Variants in CNTN5 observed in about 807,000 individuals in gnomAD.
CNTN5 encodes the protein contactin-5.
Under a neutral mutation model 129.1 loss-of-function variants are expected in CNTN5, and 77 were observed. That is an observed-to-expected ratio of 0.60 (90% confidence interval 0.50 to 0.72). CNTN5 has a LOEUF of 0.72. CNTN5 is among the 30% of genes least tolerant of loss of function. The pLI, the probability that CNTN5 is intolerant of heterozygous loss-of-function variation, is 0.00. For synonymous variants in CNTN5, 509 were observed against 465.6 expected (o/e 1.09, Z -1.20); for missense variants, 1,478 against 1,328.8 (o/e 1.11, Z -1.75).
At chr11:99,429,908 A>G (rs1430553900) in intron 2 of CNTN5, among the ~76,000 whole-genome samples, 2 of 151,766 alleles carry the variant, frequency 1.3e-5, no homozygotes, top group East Asian at 3.9e-4. Flanking sequence ...AAAGCATATT[A>G]CCTAGCTGTC....
At chr11:99,146,116 T>A (rs1283003894) in intron 1 of CNTN5, among the ~76,000 whole-genome samples, 1 of 152,128 alleles carries the variant, frequency 6.6e-6, no homozygotes, top group Non-Finnish European at 1.5e-5. Context: ...ACCAAGCTAA[T>A]TAAACCAGCA....
Position 99,956,779 on chromosome 11 carries a change from C to A in CNTN5, c.674-27C>A, listed in dbSNP as rs112148988. 11 of 1,589,292 alleles carry A rather than the reference C, an allele frequency of 6.9e-6. No homozygotes were observed. In the African/African-American group the frequency reaches 1.5e-4, roughly 21 times the overall value. ...TGTTAATGAAAAAATCAAAGTCTTTCGTTGACCAAATTTTGTGTATTTTCA... is the reference window on the plus strand; with the variant it reads ...TGTTAATGAAAAAATCAAAGTCTTTAGTTGACCAAATTTTGTGTATTTTCA... On this transcript the variant is annotated intron_variant, in intron 7 of 24. Coordinates refer to ENST00000524871, the MANE Select transcript of CNTN5 (RefSeq NM_014361.4).
chr11:99,296,523 C>T (rs975621449), intron 1 of CNTN5, among the ~76,000 whole-genome samples: 2 of 152,192 alleles, frequency 1.3e-5, no homozygotes, highest in Admixed American at 1.3e-4. Context: ...AACCAAAAAG[C>T]ATGCACTGCA....
chr11:99,243,108 A>G (rs1361924374), intron 1 of CNTN5, among the ~76,000 whole-genome samples: 1 of 152,126 alleles, frequency 6.6e-6, no homozygotes, highest in East Asian at 1.9e-4. Context: ...AACAGTGTAT[A>G]AGCATTCCTT....
In CNTN5 at chr11:99,291,734, C is replaced by G. The variant is rs1237238757; in HGVS notation, c.-209-33612C>G. On this transcript the variant is annotated intron_variant, in intron 1 of 24. Coordinates refer to ENST00000524871, the MANE Select transcript of CNTN5 (RefSeq NM_014361.4). ...AGAAAGTTCCTACAACAGAAAAGATCTGTTTTGAATGTAATAAATGAGCCT... is the reference window on the plus strand; with the variant it reads ...AGAAAGTTCCTACAACAGAAAAGATGTGTTTTGAATGTAATAAATGAGCCT... 2.0e-5 allele frequency among the ~76,000 whole-genome samples: 3 copies of G among 152,044 alleles called. No homozygotes were observed. The East Asian group carries it at 5.8e-4, about 29-fold the overall frequency.
intron 13 of CNTN5, among the ~76,000 whole-genome samples, chr11:100,162,051 G>A (rs1416044297): frequency 3.3e-5 from 5 of 151,712 alleles, no homozygotes; most frequent in East Asian, 3.9e-4. Flanking sequence ...CCATTCATTC[G>A]TCCAAGTGGG....
chr11:99,553,965 TAC>T (rs34430127), intron 2 of CNTN5, among the ~76,000 whole-genome samples: 13 of 146,120 alleles, frequency 8.9e-5, no homozygotes, highest in Non-Finnish European at 1.2e-4. Flanking sequence ...TGAAAATGAA[TAC>T]ACACACACAC....
intron 7 of CNTN5, among the ~76,000 whole-genome samples, chr11:99,936,302 C>A (rs1167237864): frequency 3.3e-5 from 5 of 152,170 alleles, no homozygotes; most frequent in East Asian, 1.9e-4. Flanking sequence ...AAGCAAATGT[C>A]CAGTAAGTTT....
chr11:100,279,995 G>T (rs574491144), intron 18 of CNTN5, among the ~76,000 whole-genome samples: 1 of 147,980 alleles, frequency 6.8e-6, no homozygotes, highest in Non-Finnish European at 1.5e-5. Context: ...CATAGGTCTT[G>T]GTATGCTGTG....
intron 4 of CNTN5, among the ~76,000 whole-genome samples, chr11:99,833,038 A>G (rs1364883669): frequency 6.6e-6 from 1 of 152,210 alleles, no homozygotes; most frequent in East Asian, 1.9e-4. Flanking sequence ...TTTAGAATTG[A>G]GGGAGACATG....
At chr11:100,130,426 G>T (rs1946338048) in intron 13 of CNTN5, among the ~76,000 whole-genome samples, 1 of 152,136 alleles carries the variant, frequency 6.6e-6, no homozygotes, top group Admixed American at 6.6e-5. Context: ...TATACTGGTA[G>T]TACAAAGAAT....
chr11:99,944,875 G>A (rs1028667860), intron 7 of CNTN5, among the ~76,000 whole-genome samples: 2 of 152,072 alleles, frequency 1.3e-5, no homozygotes, highest in African/African-American at 4.8e-5. Context: ...ACAAATAAAT[G>A]GAAATAATGT....
At chr11:99,237,606 G>A (rs954901225) in intron 1 of CNTN5, among the ~76,000 whole-genome samples, 45 of 152,146 alleles carry the variant, frequency 3.0e-4, no homozygotes, top group African/African-American at 9.2e-4. Flanking sequence ...GTTTGAACCC[G>A]GGAGGCGGAG....
chr11:99,590,438 TG>T (rs1211125516), intron 3 of CNTN5, among the ~76,000 whole-genome samples: 1 of 152,154 alleles, frequency 6.6e-6, no homozygotes, highest in African/African-American at 2.4e-5. Flanking sequence ...ACTCCTCAAA[TG>T]GCAATGATAT....
At chr11:99,690,525 A>G (rs1953998014) in intron 3 of CNTN5, among the ~76,000 whole-genome samples, 1 of 152,086 alleles carries the variant, frequency 6.6e-6, no homozygotes, top group Non-Finnish European at 1.5e-5. Flanking sequence ...ATGGCAGTTT[A>G]ATGAGAATAG....
chr11:100,061,871 C>G (rs1421236609), intron 10 of CNTN5, among the ~76,000 whole-genome samples: 1 of 152,150 alleles, frequency 6.6e-6, no homozygotes, highest in Non-Finnish European at 1.5e-5. Flanking sequence ...GAGACAGAGA[C>G]CAGCTGACTT....
At chr11:100,144,579 G>T (rs1346185969) in intron 13 of CNTN5, among the ~76,000 whole-genome samples, 3 of 152,142 alleles carry the variant, frequency 2.0e-5, no homozygotes, top group Non-Finnish European at 4.4e-5. Flanking sequence ...TCTGAAAGGA[G>T]ATACAGCATA....
intron 7 of CNTN5, among the ~76,000 whole-genome samples, chr11:99,946,989 TTAA>T (rs1299079270): frequency 1.3e-5 from 2 of 151,246 alleles, no homozygotes; most frequent in Admixed American, 6.6e-5. Context: ...ATTATAAAAA[TTAA>T]TATATAAGCA....
At chr11:99,406,303 G>A (rs1297385895) in intron 2 of CNTN5, among the ~76,000 whole-genome samples, 2 of 152,060 alleles carry the variant, frequency 1.3e-5, no homozygotes, top group Admixed American at 6.6e-5. Flanking sequence ...GACTCATAGA[G>A]GTACCACCTT....
Sources: allele counts gnomAD v4.1 joint callset (sites outside exome capture counted in the v4.1 genomes callset), GRCh38; gene constraint gnomAD v4.1.1; transcripts MANE v1.5; gene names NCBI Gene and HGNC (gene_info 2026-07-23, HGNC 2026-07-21).